Variants in PCSK5 observed in about 807,000 individuals in gnomAD.
PCSK5 encodes proprotein convertase subtilisin/kexin type 5, also known as prohormone convertase 5.
Under a neutral mutation model 233.2 loss-of-function variants are expected in PCSK5, and 129 were observed. The ratio of observed to expected loss-of-function variants is 0.55; its 90% CI spans 0.48 to 0.64. PCSK5 has a LOEUF of 0.64. Ranked by LOEUF, PCSK5 falls within the 30% of genes least tolerant of loss-of-function variation. The probability of loss-of-function intolerance (pLI) is 0.00; values close to 1 mark genes in which losing one functional copy is unlikely to be tolerated. For synonymous variants in PCSK5, 825 were observed against 879.2 expected (o/e 0.94, Z 1.09); for missense variants, 2,076 against 2,430.1 (o/e 0.85, Z 3.06).
chr9:75,930,946 C>T (rs1032256119), intron 1 of PCSK5, among the ~76,000 whole-genome samples: 2 of 152,220 alleles, frequency 1.3e-5, no homozygotes, highest in African/African-American at 2.4e-5. Flanking sequence ...TCATTGTTCA[C>T]TGCTGCTTCA....
rs1163825606 is a variant in PCSK5, at chr9:76,328,062, C to G, written c.4393C>G (p.Gln1465Glu). The G allele has an allele frequency of 1.9e-6, 3 of 1,612,894 alleles. No homozygotes were observed. Among genetic ancestry groups the G allele is most frequent in the Non-Finnish European group, 2.5e-6 (3 of 1,179,852 alleles). The change falls in exon 33 of 38, where the codon CAG (glutamine) becomes GAG (glutamate). Residue 1465 changes from glutamine (Q) to glutamate (E), a missense_variant. Coordinates refer to ENST00000674117, the MANE Select transcript of PCSK5 (RefSeq NM_001372043.1). ...CSSSGTCTTCQKGLIMNPRGS... is the reference protein window; with the variant it reads ...CSSSGTCTTCEKGLIMNPRGS... Reference sequence around the variant, plus strand: ...ATCATCTGGGACCTGCACCACCTGTCAGAAAGGCCTGATCATGAACCCTCG... The same window carrying G: ...ATCATCTGGGACCTGCACCACCTGTGAGAAAGGCCTGATCATGAACCCTCG...
intron 10 of PCSK5, among the ~76,000 whole-genome samples, chr9:76,137,108 T>C (rs993248403): frequency 6.6e-6 from 1 of 152,092 alleles, no homozygotes; most frequent in African/African-American, 2.4e-5. Flanking sequence ...CTTACCCACA[T>C]GTGTTATGGA....
intron 9 of PCSK5, among the ~76,000 whole-genome samples, chr9:76,121,764 T>G (rs2131716041): frequency 6.6e-6 from 1 of 152,314 alleles, no homozygotes; most frequent in Middle Eastern, 3.4e-3. Flanking sequence ...CAAAGCCATT[T>G]TTAGAAGAAA....
chr9:75,961,911 TG>T lies in PCSK5; in HGVS notation c.298-24219del, dbSNP rs1404381235. On this transcript the variant is annotated intron_variant, in intron 2 of 37. Transcript: ENST00000674117. Reference sequence around the variant, plus strand: ...AGCACGCCTTGCATTCTCTTTTTGTTGGACAGCACTAATTCTGGTATTGATT... The same window carrying T: ...AGCACGCCTTGCATTCTCTTTTTGTTGACAGCACTAATTCTGGTATTGATT... 7.2e-5 allele frequency among the ~76,000 whole-genome samples: 11 copies of T among 152,362 alleles called. No homozygotes were observed. The East Asian group carries it at 2.1e-3, about 29-fold the overall frequency.
chr9:76,093,582 T>TATATATACACACAC (rs375899150), intron 7 of PCSK5, among the ~76,000 whole-genome samples: 13 of 149,932 alleles, frequency 8.7e-5, no homozygotes, highest in African/African-American at 3.2e-4. Flanking sequence ...TATATATATA[T>TATATATACACACAC]ACACACACAC....
chr9:76,072,382 T>A (rs1830511820), intron 7 of PCSK5, among the ~76,000 whole-genome samples: 1 of 152,196 alleles, frequency 6.6e-6, no homozygotes, highest in Non-Finnish European at 1.5e-5. Flanking sequence ...AATGCATCAT[T>A]CTTTTCCTTA....
At chr9:76,350,951 G>A in intron 36 of PCSK5, 23 bp downstream of exon 36, 1 of 1,226,320 alleles carries the variant, frequency 8.2e-7, no homozygotes, top group Non-Finnish European at 1.2e-6. Flanking sequence ...GGGGGTCCTG[G>A]GCCTTCTGCT....
At chr9:76,016,942 C>T (rs972691128) in intron 3 of PCSK5, among the ~76,000 whole-genome samples, 21 of 152,322 alleles carry the variant, frequency 1.4e-4, no homozygotes, top group African/African-American at 5.1e-4. Context: ...CAGCCTTCTT[C>T]TCCCAACCTC....
intron 24 of PCSK5, among the ~76,000 whole-genome samples, chr9:76,270,782 TG>T (rs907059189): frequency 1.3e-5 from 2 of 152,150 alleles, no homozygotes; most frequent in African/African-American, 4.8e-5. Context: ...TCTTTTAAAG[TG>T]GGTGTGTGAA....
intron 3 of PCSK5, among the ~76,000 whole-genome samples, chr9:76,021,266 A>G (rs1422632985): frequency 6.6e-6 from 1 of 152,186 alleles, no homozygotes; most frequent in African/African-American, 2.4e-5. Flanking sequence ...TCAACAGTCA[A>G]CAACAGTTTG....
intron 24 of PCSK5, among the ~76,000 whole-genome samples, chr9:76,276,952 G>T (rs1375114734): frequency 6.6e-6 from 1 of 152,116 alleles, no homozygotes; most frequent in East Asian, 1.9e-4. Context: ...TCTAGGCTGG[G>T]TGCAGTGGCT....
rs756327 is a variant in PCSK5 at position 76,350,972 on chromosome 9, G to A, written c.5067+44G>A. 5,317 of 950,536 alleles carry A rather than the reference G, an allele frequency of 5.6e-3. 187 individuals carry two copies. The African/African-American group carries it at 0.08, about 14-fold the overall frequency. 58.9% of individuals were successfully genotyped at this position (950,536 alleles called of 1,614,324 possible). ...CCTGGGCCTTCTGCTCTTTCTAGAGGGAAACATGAGCTTACTTCCTGCATG... is the reference window on the plus strand; with the variant it reads ...CCTGGGCCTTCTGCTCTTTCTAGAGAGAAACATGAGCTTACTTCCTGCATG... On this transcript the variant is annotated intron_variant, in intron 36 of 37. Transcript: ENST00000674117.
intron 24 of PCSK5, among the ~76,000 whole-genome samples, chr9:76,242,244 T>A (rs1826452318): frequency 6.6e-6 from 1 of 152,176 alleles, no homozygotes; most frequent in African/African-American, 2.4e-5. Flanking sequence ...CTAAATCTTC[T>A]CTTTGAGCTA....
chr9:76,266,161 T>G (rs900925600), intron 24 of PCSK5, among the ~76,000 whole-genome samples: 1 of 152,212 alleles, frequency 6.6e-6, no homozygotes, highest in Non-Finnish European at 1.5e-5. Flanking sequence ...TTTCATGTAA[T>G]CCACTGGTTT....
At chr9:75,988,185 A>G (rs146892771) in intron 3 of PCSK5, among the ~76,000 whole-genome samples, 1 of 152,344 alleles carries the variant, frequency 6.6e-6, no homozygotes, top group African/African-American at 2.4e-5. Flanking sequence ...GTGTTTTTCA[A>G]CACATATTTG....
At chr9:75,926,659 C>G (rs1456525817) in intron 1 of PCSK5, among the ~76,000 whole-genome samples, 2 of 152,172 alleles carry the variant, frequency 1.3e-5, no homozygotes, top group Non-Finnish European at 2.9e-5. Flanking sequence ...GTAGGTTTAT[C>G]TGTCTTAGAA....
At chr9:75,930,548 T>C (rs1444541559) in intron 1 of PCSK5, among the ~76,000 whole-genome samples, 2 of 152,240 alleles carry the variant, frequency 1.3e-5, no homozygotes, top group Non-Finnish European at 2.9e-5. Flanking sequence ...AATTGTTGAC[T>C]GATACTATTT....
At chr9:76,118,914 T>A (rs963959857) in intron 9 of PCSK5, among the ~76,000 whole-genome samples, 1 of 152,120 alleles carries the variant, frequency 6.6e-6, no homozygotes, top group African/African-American at 2.4e-5. Flanking sequence ...TTGTCTTTAA[T>A]CTGCATTTTG....
intron 33 of PCSK5, among the ~76,000 whole-genome samples, chr9:76,329,782 G>A (rs2495209): frequency 0.041 from 6,191 of 152,046 alleles, 151 homozygotes; most frequent in South Asian, 0.075. Context: ...GCAGTGATCC[G>A]AGATCGCACC....
Sources: allele counts gnomAD v4.1 joint callset (sites outside exome capture counted in the v4.1 genomes callset), GRCh38; gene constraint gnomAD v4.1.1; transcripts MANE v1.5; gene names NCBI Gene and HGNC (gene_info 2026-07-23, HGNC 2026-07-21).